ST8SIA4: variants seen among roughly 807,000 people sequenced by gnomAD.
The protein encoded by ST8SIA4 is ST8 alpha-N-acetyl-neuraminide alpha-2,8-sialyltransferase 4.
Under a neutral mutation model 33.9 loss-of-function variants are expected in ST8SIA4, and 15 were observed. That is an observed-to-expected ratio of 0.44 (90% CI 0.30 to 0.68). The LOEUF (loss-of-function observed/expected upper bound fraction) is 0.68, where lower values mean the gene tolerates loss of function less well. Among genes scored for constraint, ST8SIA4 ranks in the 30% least tolerant of loss-of-function variants. The pLI, the probability that ST8SIA4 is intolerant of heterozygous loss-of-function variation, is 0.10. For missense variants in ST8SIA4, 321 were observed against 428.0 expected (o/e 0.75, Z 2.21); for synonymous variants, 171 against 151.2 (o/e 1.13, Z -0.96).
chr5:100,902,449 A>G (rs1752941223), intron 1 of ST8SIA4, among the ~76,000 whole-genome samples: 1 of 152,214 alleles, frequency 6.6e-6, no homozygotes, highest in African/African-American at 2.4e-5. Context: ...GAAACCATCT[A>G]TCTCCAGTAT....
chr5:100,863,804 T>C (rs946819896), intron 3 of ST8SIA4, among the ~76,000 whole-genome samples: 1 of 152,214 alleles, frequency 6.6e-6, no homozygotes, highest in Admixed American at 6.5e-5. Context: ...TATAAAGCAA[T>C]GGATTAAAAT....
intron 3 of ST8SIA4, among the ~76,000 whole-genome samples, chr5:100,864,067 A>T (rs1293149373): frequency 6.6e-5 from 10 of 152,204 alleles, no homozygotes; most frequent in Admixed American, 5.9e-4. Context: ...TTGTTTTTTC[A>T]AGAAAGGATA....
intron 4 of ST8SIA4, among the ~76,000 whole-genome samples, chr5:100,815,682 T>C (rs1158621726): frequency 6.6e-6 from 1 of 152,094 alleles, no homozygotes; most frequent in East Asian, 1.9e-4. Context: ...AATTTCTTAC[T>C]TCAAACAAAC....
chr5:100,811,546 A>G lies in ST8SIA4; in HGVS notation c.*301T>C, dbSNP rs1750816883. On this transcript the variant is annotated 3_prime_UTR_variant, in exon 5 of 5. Coordinates refer to ENST00000231461, the MANE Select transcript of ST8SIA4 (RefSeq NM_005668.6). ...TGGGCAGCCTGACAGTGATGAACATATTTGCTTTGTTAACTAATGATGAGT... is the reference window on the plus strand; with the variant it reads ...TGGGCAGCCTGACAGTGATGAACATGTTTGCTTTGTTAACTAATGATGAGT... 4.4e-6 allele frequency: 1 copy of G among 226,794 alleles called. No individual in the cohort carries two copies. Among genetic ancestry groups the G allele is most frequent in the Admixed American group, 5.4e-5 (1 of 18,688 alleles). 14.0% of individuals were successfully genotyped at this position (226,794 alleles called of 1,614,324 possible).
In ST8SIA4 at chr5:100,886,496, G is replaced by C. The variant is rs762880189; in HGVS notation, c.350C>G (p.Thr117Arg). 4.3e-6 allele frequency: 7 copies of C among 1,613,760 alleles called. No individual in the cohort carries two copies. The highest frequency in any genetic ancestry group is 5.9e-6 in the Non-Finnish European group (7 of 1,179,816). ...ATGTAGATCATGAGAAATGTTTAGT[G>C]TCCGGCGCCTGTCAAGCACATAGTG... ...VIHYVLDRRR[T>R]LNISHDLHSL... Residue 117 changes from threonine to arginine, a missense_variant, in exon 3 of 5, where the codon ACA becomes AGA. Transcript: ENST00000231461.
intron 4 of ST8SIA4, among the ~76,000 whole-genome samples, chr5:100,853,417 C>T (rs1751745246): frequency 6.6e-6 from 1 of 152,156 alleles, no homozygotes; most frequent in Non-Finnish European, 1.5e-5. Context: ...GAACTCAATA[C>T]CTTGACACTT....
At chr5:100,826,818 A>G (rs925750131) in intron 4 of ST8SIA4, among the ~76,000 whole-genome samples, 8 of 151,966 alleles carry the variant, frequency 5.3e-5, no homozygotes, top group Non-Finnish European at 8.8e-5. Flanking sequence ...GTTATATAAC[A>G]TGTATAGTTA....
intron 4 of ST8SIA4, among the ~76,000 whole-genome samples, chr5:100,847,006 G>T (rs1006612526): frequency 2.0e-5 from 3 of 152,086 alleles, no homozygotes; most frequent in Non-Finnish European, 2.9e-5. Flanking sequence ...CCGGAAGTGT[G>T]CATATCAGAG....
chr5:100,825,985 T>C (rs1751135770), intron 4 of ST8SIA4, among the ~76,000 whole-genome samples: 1 of 152,198 alleles, frequency 6.6e-6, no homozygotes, highest in African/African-American at 2.4e-5. Flanking sequence ...CACATCCTTG[T>C]CAAGGGGATA....
chr5:100,887,079 T>C (rs749336123), intron 2 of ST8SIA4, among the ~76,000 whole-genome samples: 6 of 152,048 alleles, frequency 3.9e-5, no homozygotes, highest in Non-Finnish European at 7.4e-5. Context: ...GGAATGAACT[T>C]CTCAAACTTA....
chr5:100,841,136 C>A (rs1267420103), intron 4 of ST8SIA4, among the ~76,000 whole-genome samples: 2 of 151,974 alleles, frequency 1.3e-5, no homozygotes, highest in African/African-American at 4.8e-5. Context: ...GTAATTTCTA[C>A]ACAGGTTACT....
chr5:100,894,561 T>C (rs1159967558), intron 2 of ST8SIA4, among the ~76,000 whole-genome samples: 10 of 152,122 alleles, frequency 6.6e-5, no homozygotes, highest in Non-Finnish European at 1.3e-4. Context: ...ATACTATTCC[T>C]ACATCGCCCT....
At position 100,900,446 on chromosome 5, in the gene ST8SIA4, ACTC is replaced by A. The variant is rs555182410; in HGVS notation, c.113+2394_113+2396del. On this transcript the variant is annotated intron_variant, in intron 1 of 4. Coordinates refer to ENST00000231461, the MANE Select transcript of ST8SIA4 (RefSeq NM_005668.6). ...GATGATTTGATGGTTTTATGAGTCA[ACTC>A]CTCCACCAGAAGCGCTGTTTGGGAG... 1.0e-3 allele frequency: 460 copies of A among 456,106 alleles called. 1 individual carries two copies. The highest frequency in any genetic ancestry group is 7.8e-3 in the African/African-American group (393 of 50,130). The allele number at this position is 456,106 out of a possible 1,614,324, so 28.3% of individuals were successfully genotyped here.
chr5:100,882,617 A>T (rs2112468683), intron 3 of ST8SIA4, among the ~76,000 whole-genome samples: 1 of 152,358 alleles, frequency 6.6e-6, no homozygotes, highest in South Asian at 2.1e-4. Flanking sequence ...TCTTTATGGC[A>T]GCCTCTCCCA....
At position 100,885,783 on chromosome 5, in the gene ST8SIA4, C is replaced by T. The variant is rs562739050; in HGVS notation, c.503+560G>A. On this transcript the variant is annotated intron_variant, in intron 3 of 4. Transcript: ENST00000231461. Reference sequence around the variant, plus strand: ...ACCGTTAATGAAAAACAAACATGCACGCTTAATTATGTTAAAAAAACATAA... The same window carrying T: ...ACCGTTAATGAAAAACAAACATGCATGCTTAATTATGTTAAAAAAACATAA... 193 of 914,302 alleles carry T rather than the reference C, an allele frequency of 2.1e-4. No individual in the cohort carries two copies. The African/African-American group carries it at 2.3e-3, about 11-fold the overall frequency. 56.6% of individuals were successfully genotyped at this position (914,302 alleles called of 1,614,324 possible). A position where few individuals can be genotyped will look rare whatever the true frequency, so the allele number is the denominator to read the frequency against.
intron 4 of ST8SIA4, among the ~76,000 whole-genome samples, chr5:100,828,828 G>GT (rs956243622): frequency 6.6e-6 from 1 of 151,604 alleles, no homozygotes; most frequent in African/African-American, 2.4e-5. Context: ...GAAGAGTTCC[G>GT]TTTTTTTTCA....
At chr5:100,898,457 T>C (rs1274526794) in intron 1 of ST8SIA4, among the ~76,000 whole-genome samples, 1 of 152,244 alleles carries the variant, frequency 6.6e-6, no homozygotes, top group Non-Finnish European at 1.5e-5. Flanking sequence ...CAGTGTTCTA[T>C]GAATAAAATG....
chr5:100,828,210 T>A (rs1016094699), intron 4 of ST8SIA4, among the ~76,000 whole-genome samples: 1 of 152,154 alleles, frequency 6.6e-6, no homozygotes, highest in African/African-American at 2.4e-5. Context: ...CATTACACAC[T>A]GGGGCCTGCA....
chr5:100,890,250 G>A lies in ST8SIA4; in HGVS notation c.246-3650C>T, dbSNP rs111636259. Among the ~76,000 whole-genome samples, 266 of 151,810 alleles carry A rather than the reference G, an allele frequency of 1.8e-3. 1 individual carries two copies. Among genetic ancestry groups the A allele is most frequent in the Middle Eastern group, 6.8e-3 (2 of 294 alleles). On this transcript the variant is annotated intron_variant, in intron 2 of 4. Transcript: ENST00000231461. Reference sequence around the variant, plus strand: ...GTTTTTAGATTGTAGATGTAATGGCGAATTAAAAGCTTTGTGAATTTGCTA... The same window carrying A: ...GTTTTTAGATTGTAGATGTAATGGCAAATTAAAAGCTTTGTGAATTTGCTA...
Sources: allele counts gnomAD v4.1 joint callset (sites outside exome capture counted in the v4.1 genomes callset), GRCh38; gene constraint gnomAD v4.1.1; transcripts MANE v1.5; gene names NCBI Gene and HGNC (gene_info 2026-07-23, HGNC 2026-07-21).